IL5: variants seen among roughly 807,000 people sequenced by gnomAD.
IL5 encodes the protein interleukin-5.
IL5 carries 12 observed loss-of-function variants against 16.3 expected under a neutral mutation model. The observed-to-expected ratio is 0.74, with a 90% CI of 0.47 to 1.20. The LOEUF (loss-of-function observed/expected upper bound fraction) is 1.20. Among genes scored for constraint, IL5 ranks in the 50% most tolerant of loss-of-function variants. The pLI is 0.00. For synonymous variants in IL5, 54 were observed against 56.6 expected (o/e 0.95, Z 0.21); for missense variants, 159 against 153.9 (o/e 1.03, Z -0.17).
In IL5 at chr5:132,543,357, C is replaced by G. The variant is rs201066544; in HGVS notation, c.122G>C (p.Arg41Pro). ...TACCTCATTGGCTATCAGCAGAGTT[C>G]GATGAGTAGAAAGCAGTGCCAAGGT... The part of the protein sequence containing the change: ...KETLALLSTH[R>P]TLLIANETLR... The change falls in exon 1 of 4, where the codon CGA (arginine) becomes CCA (proline). Residue 41 changes from arginine to proline, a missense_variant. By Grantham distance (103) the Arg-to-Pro change is moderately radical. Coordinates refer to ENST00000231454, the MANE Select transcript of IL5 (RefSeq NM_000879.3). 1.2e-6 allele frequency: 2 copies of G among 1,614,026 alleles called. No individual in the cohort carries two copies. Among genetic ancestry groups the G allele is most frequent in the African/African-American group, 2.7e-5 (2 of 74,934 alleles).
intron 1 of IL5, among the ~76,000 whole-genome samples, chr5:132,552,086 T>C (rs1426898378): frequency 1.3e-5 from 2 of 152,098 alleles, no homozygotes; most frequent in African/African-American, 2.4e-5. Flanking sequence ...CTGGCCAACA[T>C]AGTGAAACCC....
chr5:132,545,654 T>C (rs947122386), upstream of IL5, among the ~76,000 whole-genome samples: 17 of 152,308 alleles, frequency 1.1e-4, no homozygotes, highest in Admixed American at 9.1e-4. Context: ...AACTATAGCA[T>C]GCATGATCTG....
chr5:132,541,808 G>C lies in IL5; in HGVS notation c.*3C>G. ...TCTTTGGCTGCAACAAACCAGTTTA[G>C]TCTCAACTTTCTATTATCCACTCGG... On this transcript the variant is annotated 3_prime_UTR_variant, in exon 4 of 4. Coordinates refer to ENST00000231454, the MANE Select transcript of IL5 (RefSeq NM_000879.3). The C allele has an allele frequency of 6.2e-7, 1 of 1,600,062 alleles. No individual in the cohort carries two copies. Among genetic ancestry groups the C allele is most frequent in the East Asian group, 2.2e-5 (1 of 44,748 alleles).
At chr5:132,555,967 A>G (rs1749975958) in intron 1 of IL5, 1 of 114,972 alleles carries the variant, frequency 8.7e-6, no homozygotes, top group Non-Finnish European at 1.8e-5. Context: ...CTATTTTGTA[A>G]TAACTGACAC....
chr5:132,553,818 C>T (rs1439650146), intron 1 of IL5, among the ~76,000 whole-genome samples: 1 of 151,402 alleles, frequency 6.6e-6, no homozygotes, highest in African/African-American at 2.4e-5. Context: ...GCCTGTAGTC[C>T]CAGCTACAGT....
chr5:132,542,400 C>T (rs1009179365), intron 2 of IL5, among the ~76,000 whole-genome samples: 23 of 152,026 alleles, frequency 1.5e-4, no homozygotes, highest in African/African-American at 5.6e-4. Flanking sequence ...CAAACCACCA[C>T]ATATTAAGAT....
intron 1 of IL5, among the ~76,000 whole-genome samples, chr5:132,553,699 G>T (rs541773313): frequency 6.6e-6 from 1 of 152,084 alleles, no homozygotes; most frequent in African/African-American, 2.4e-5. Context: ...CACTTTGGGA[G>T]CCCGAGGCGG....
chr5:132,546,310 C>A (rs1749785711), upstream of IL5, among the ~76,000 whole-genome samples: 1 of 152,044 alleles, frequency 6.6e-6, no homozygotes, highest in South Asian at 2.1e-4. Context: ...AGCTCCCAAC[C>A]CCCGCCCCCA....
rs1025100187 is a variant in IL5, at chr5:132,555,762, G to A, written c.42+912C>T. Among the ~76,000 whole-genome samples, 128 of 152,172 alleles carry A rather than the reference G, an allele frequency of 8.4e-4. 1 individual carries two copies. Among genetic ancestry groups the A allele is most frequent in the Non-Finnish European group, 1.2e-3 (84 of 68,026 alleles). ...CATTTCCTGACCTCGTGATCCACCCGTCTCGGCCTCCCAAAGTGCTGGGAT... is the reference window on the plus strand; with the variant it reads ...CATTTCCTGACCTCGTGATCCACCCATCTCGGCCTCCCAAAGTGCTGGGAT... On this transcript the variant is annotated intron_variant, in intron 1 of 2. Transcript: ENST00000450655.
At position 132,543,378 on chromosome 5, in the gene IL5, A is replaced by G; in HGVS notation, c.101T>C (p.Leu34Ser). Reference sequence around the variant, plus strand: ...AGTTCGATGAGTAGAAAGCAGTGCCAAGGTCTCTTTCACCAATGCACTTGT... The same window carrying G: ...AGTTCGATGAGTAGAAAGCAGTGCCGAGGTCTCTTTCACCAATGCACTTGT... ...IPTSALVKET[L>S]ALLSTHRTLL... The change falls in exon 1 of 4, where the codon TTG becomes TCG. Residue 34 changes from leucine to serine, a missense_variant. Coordinates refer to ENST00000231454, the MANE Select transcript of IL5 (RefSeq NM_000879.3). 6.2e-7 allele frequency: 1 copy of G among 1,614,232 alleles called. No homozygotes were observed. The highest frequency in any genetic ancestry group is 8.5e-7 in the Non-Finnish European group (1 of 1,180,028).
intron 1 of IL5, among the ~76,000 whole-genome samples, chr5:132,554,321 C>G (rs1023672632): frequency 1.5e-5 from 2 of 137,410 alleles, no homozygotes; most frequent in African/African-American, 5.5e-5. Flanking sequence ...GAGCCAAGAT[C>G]GCACCATTGC....
intron 1 of IL5, among the ~76,000 whole-genome samples, chr5:132,549,132 T>G (rs1476507469): frequency 1.3e-5 from 2 of 152,166 alleles, no homozygotes; most frequent in African/African-American, 4.8e-5. Context: ...CTCGGCTCAC[T>G]GCAACCTCCG....
intron 1 of IL5, among the ~76,000 whole-genome samples, chr5:132,550,327 T>TC (rs1201583198): frequency 1.3e-4 from 19 of 143,572 alleles, no homozygotes; most frequent in Admixed American, 1.2e-3. Context: ...AAAGAAATCT[T>TC]TTTTTTTTTT....
Position 132,541,921 on chromosome 5 carries a change from GA to G in IL5, c.307-13del, listed in dbSNP as rs569190657. ...TCTCCACACTTTTTCTGTGAAAAAAGAAAAATGACAATAGGTATTACAGGAA... is the reference window on the plus strand; with the variant it reads ...TCTCCACACTTTTTCTGTGAAAAAAGAAAATGACAATAGGTATTACAGGAA... On this transcript the variant is annotated splice_polypyrimidine_tract_variant and intron_variant, in intron 3 of 3. Coordinates refer to ENST00000231454, the MANE Select transcript of IL5 (RefSeq NM_000879.3). 6.2e-7 allele frequency: 1 copy of G among 1,612,046 alleles called. No homozygotes were observed. Among genetic ancestry groups the G allele is most frequent in the Non-Finnish European group, 8.5e-7 (1 of 1,178,782 alleles).
chr5:132,549,796 A>G (rs1311427066), intron 1 of IL5, among the ~76,000 whole-genome samples: 3 of 152,316 alleles, frequency 2.0e-5, no homozygotes, highest in South Asian at 2.1e-4. Context: ...CGCAATTTTC[A>G]TGATGACTAA....
intron 3 of IL5, 24 bp from the exon 4 acceptor site, chr5:132,541,933 T>C (rs1749700103): frequency 6.2e-7 from 1 of 1,610,832 alleles, no homozygotes; most frequent in Non-Finnish European, 8.5e-7. Flanking sequence ...AAAATGACAA[T>C]AGGTATTACA....
chr5:132,548,486 A>G (rs1008101711), upstream of IL5, among the ~76,000 whole-genome samples: 2 of 152,214 alleles, frequency 1.3e-5, no homozygotes. Context: ...AGGTCCTTGA[A>G]TAACTTTGCT....
intron 1 of IL5, among the ~76,000 whole-genome samples, chr5:132,551,705 A>C (rs533860958): frequency 4.6e-5 from 7 of 152,212 alleles, no homozygotes; most frequent in Non-Finnish European, 5.9e-5. Flanking sequence ...GCTTTTATGA[A>C]TCTTTCTTAA....
At chr5:132,545,400 C>T (rs1749767504), upstream of IL5, among the ~76,000 whole-genome samples, 1 of 152,140 alleles carries the variant, frequency 6.6e-6, no homozygotes, top group Non-Finnish European at 1.5e-5. Context: ...TGCTTGTAAT[C>T]CCAGCACTTT....
Sources: gnomAD v4.1 joint callset for allele counts (sites outside exome capture counted in the v4.1 genomes callset) on GRCh38, gnomAD v4.1.1 for gene constraint, MANE v1.5 for transcripts, NCBI Gene and HGNC (gene_info 2026-07-23, HGNC 2026-07-21) for gene names.